DNAJA3: variants seen among roughly 807,000 people sequenced by gnomAD.
The protein encoded by DNAJA3 is dnaJ homolog subfamily A member 3, mitochondrial.
Under a neutral mutation model 54.9 loss-of-function variants are expected in DNAJA3, and 29 were observed. The ratio of observed to expected loss-of-function variants is 0.53; its 90% CI spans 0.39 to 0.72. DNAJA3 has a LOEUF of 0.72. Ranked by LOEUF, DNAJA3 falls within the 30% of genes least tolerant of loss-of-function variation. The pLI is 0.00. For synonymous variants in DNAJA3, 302 were observed against 251.4 expected (o/e 1.20, Z -1.90); for missense variants, 708 against 639.4 (o/e 1.11, Z -1.16).
At chr16:4,434,612 A>C in intron 2 of DNAJA3, 95 bp downstream of exon 2, 13 of 1,425,192 alleles carry the variant, frequency 9.1e-6, no homozygotes, top group Non-Finnish European at 1.2e-5. Flanking sequence ...TGCCCATATG[A>C]ATAGGTCTCA....
rs531268573 is a variant in DNAJA3 at position 4,441,695 on chromosome 16, C to T, written c.630+120C>T. Reference sequence around the variant, plus strand: ...CAGCTTAAATGGAGTGATCTGGAGGCAGCCATTTTAGTAGAAAATAATTTC... The same window carrying T: ...CAGCTTAAATGGAGTGATCTGGAGGTAGCCATTTTAGTAGAAAATAATTTC... On this transcript the variant is annotated intron_variant, in intron 4 of 11. Transcript: ENST00000262375. 1.6e-5 allele frequency: 15 copies of T among 936,754 alleles called. No individual in the cohort carries two copies. In the East Asian group the frequency reaches 2.8e-4, roughly 18 times the overall value. The allele number at this position is 936,754 out of a possible 1,614,324, so 58.0% of individuals were successfully genotyped here. A position where few individuals can be genotyped will look rare whatever the true frequency, so the allele number is the denominator to read the frequency against.
intron 2 of DNAJA3, among the ~76,000 whole-genome samples, chr16:4,435,731 A>G (rs2141375201): frequency 6.6e-6 from 1 of 152,318 alleles, no homozygotes; most frequent in South Asian, 2.1e-4. Flanking sequence ...TCATCGTTTG[A>G]TGGACATTTG....
At chr16:4,455,521 G>A (rs1567337261) in intron 11 of DNAJA3, 25 bp from the exon 12 acceptor site, 1 of 1,551,570 alleles carries the variant, frequency 6.4e-7, no homozygotes, top group Non-Finnish European at 8.7e-7. Context: ...TGAGTATAAG[G>A]TAACAGCCTA....
intron 2 of DNAJA3, 130 bp from the exon 3 acceptor site, chr16:4,437,270 CGA>C: frequency 1.3e-6 from 1 of 779,460 alleles, no homozygotes; most frequent in Non-Finnish European, 2.1e-6. Flanking sequence ...TGCACCCAGC[CGA>C]GAGACAACTT....
chr16:4,439,725 G>T (rs1252962982), intron 3 of DNAJA3, among the ~76,000 whole-genome samples: 3 of 152,042 alleles, frequency 2.0e-5, no homozygotes, highest in Non-Finnish European at 4.4e-5. Flanking sequence ...GGAAGGGCTG[G>T]AACCAGGAGA....
intron 6 of DNAJA3, among the ~76,000 whole-genome samples, chr16:4,443,396 A>T (rs1251463450): frequency 6.6e-6 from 1 of 152,080 alleles, no homozygotes; most frequent in Non-Finnish European, 1.5e-5. Flanking sequence ...TTTGCATGTC[A>T]CAATGGGGAG....
chr16:4,433,792 G>A (rs1186481584), intron 1 of DNAJA3: 1 of 152,342 alleles, frequency 6.6e-6, no homozygotes, highest in Non-Finnish European at 1.5e-5. Flanking sequence ...GGTTTACTGA[G>A]ACCACTCCAG....
At chr16:4,426,215 T>C in intron 1 of DNAJA3, 123 bp downstream of exon 1, 1 of 1,102,776 alleles carries the variant, frequency 9.1e-7, no homozygotes, top group Non-Finnish European at 1.2e-6. Context: ...GGATGCACAA[T>C]TGCCGGAGAC....
intron 1 of DNAJA3, among the ~76,000 whole-genome samples, chr16:4,428,610 T>A (rs945022709): frequency 6.6e-6 from 1 of 152,222 alleles, no homozygotes. Context: ...TGTGTGAAGC[T>A]GTGACTAAGG....
intron 3 of DNAJA3, 131 bp downstream of exon 3, chr16:4,437,616 T>A: frequency 1.5e-6 from 1 of 666,112 alleles, no homozygotes; most frequent in Non-Finnish European, 2.5e-6. Context: ...CGCCAAGTAA[T>A]CTTGTTAAGA....
At chr16:4,448,918 C>T in intron 9 of DNAJA3, 70 bp downstream of exon 9, 1 of 1,207,670 alleles carries the variant, frequency 8.3e-7, no homozygotes, top group South Asian at 1.3e-5. Flanking sequence ...AGCTCTGTGG[C>T]TTGGGCAGGT....
intron 6 of DNAJA3, among the ~76,000 whole-genome samples, chr16:4,443,545 G>A (rs937920593): frequency 1.3e-5 from 2 of 151,918 alleles, no homozygotes; most frequent in African/African-American, 2.4e-5. Context: ...TCAGCCCCAC[G>A]GATCCCACCC....
chr16:4,453,173 G>T (rs1270032961), intron 10 of DNAJA3, among the ~76,000 whole-genome samples: 1 of 152,126 alleles, frequency 6.6e-6, no homozygotes, highest in Non-Finnish European at 1.5e-5. Flanking sequence ...TCCCACCTTG[G>T]CCTCCCAGAG....
rs764053699 is a variant in DNAJA3, at chr16:4,450,449, G to A, written c.1291G>A (p.Glu431Lys). The A allele has an allele frequency of 1.9e-6, 3 of 1,612,364 alleles. No individual in the cohort carries two copies. Among genetic ancestry groups the A allele is most frequent in the Admixed American group, 1.7e-5 (1 of 59,812 alleles). ...QSLILSYAED[E>K]TDVEGTVNGV... ...CCTGATCCTGAGCTACGCCGAGGAC[G>A]AGACAGATGTGGAGGGGACGGTGAA... Residue 431 changes from glutamate to lysine, a missense_variant, in exon 10 of 12, where the codon GAG (glutamate) becomes AAG (lysine). Glu to Lys is a moderately conservative substitution (Grantham distance 56). Transcript: ENST00000262375.
chr16:4,448,284 C>A (rs1256225393), intron 8 of DNAJA3, among the ~76,000 whole-genome samples: 1 of 151,270 alleles, frequency 6.6e-6, no homozygotes, highest in Non-Finnish European at 1.5e-5. Flanking sequence ...CTCAGCCCCC[C>A]AAAGTGCTGG....
chr16:4,441,117 C>T, intron 3 of DNAJA3: 1 of 540,524 alleles, frequency 1.9e-6, no homozygotes, highest in Non-Finnish European at 3.3e-6. Flanking sequence ...TCAACACAAA[C>T]ATTTTCCCAG....
chr16:4,454,032 G>A (rs2057007426), intron 10 of DNAJA3, among the ~76,000 whole-genome samples: 1 of 152,210 alleles, frequency 6.6e-6, no homozygotes, highest in Admixed American at 6.5e-5. Flanking sequence ...TCTAGATGGT[G>A]TCAGCCTGGG....
intron 7 of DNAJA3, among the ~76,000 whole-genome samples, chr16:4,446,242 A>ATTT (rs751454752): frequency 8.4e-6 from 1 of 119,732 alleles, no homozygotes; most frequent in Non-Finnish European, 1.8e-5. Flanking sequence ...ATAAAGTAAG[A>ATTT]TTTTTTTTTT....
intron 3 of DNAJA3, among the ~76,000 whole-genome samples, chr16:4,440,040 C>G (rs2056820245): frequency 6.6e-6 from 1 of 152,088 alleles, no homozygotes; most frequent in South Asian, 2.1e-4. Context: ...CGTGCTCAAG[C>G]AATCCTCCCA....
Sources: gnomAD v4.1 joint callset for allele counts (sites outside exome capture counted in the v4.1 genomes callset) on GRCh38, gnomAD v4.1.1 for gene constraint, MANE v1.5 for transcripts, NCBI Gene and HGNC (gene_info 2026-07-23, HGNC 2026-07-21) for gene names.